The following CST8 variants were observed in gnomAD, a reference collection of about 807,000 sequenced individuals.
CST8 encodes cystatin 8.
CST8 carries 20 observed loss-of-function variants against 11.8 expected under a neutral mutation model. That is an observed-to-expected ratio of 1.70 (90% confidence interval 1.20 to 2.47). CST8 has a LOEUF of 2.47. Among genes scored for constraint, CST8 ranks in the 30% most tolerant of loss-of-function variants. CST8 has a pLI of 0.00. For synonymous variants in CST8, 77 were observed against 63.1 expected, an observed-to-expected ratio of 1.22 and a Z score of -1.05; for missense variants, 196 against 167.2, an observed-to-expected ratio of 1.17 and a Z score of -0.95.
chr20:23,493,969 C>G (rs1485252177), intron 3 of CST8, among the ~76,000 whole-genome samples: 1 of 152,166 alleles, frequency 6.6e-6, no homozygotes, highest in East Asian at 1.9e-4. Flanking sequence ...TGCTGCTGGC[C>G]TTAGGATCAT....
At chr20:23,494,672 A>C (rs536565332) in intron 3 of CST8, among the ~76,000 whole-genome samples, 1 of 152,280 alleles carries the variant, frequency 6.6e-6, no homozygotes, top group East Asian at 1.9e-4. Context: ...TCCATTCATT[A>C]ATCTGTCACA....
At chr20:23,504,876 T>C in the CST8 span, among the ~76,000 whole-genome samples, 1 of 152,094 alleles carries the variant, frequency 6.6e-6, no homozygotes. Flanking sequence ...GTCAGGAGTT[T>C]GGGGTGCTCA....
Position 23,491,753 on chromosome 20 carries a change from CA to C in CST8, c.87del (p.Val31CysfsTer2), listed in dbSNP as rs1568654131. 3.2e-5 allele frequency: 52 copies of C among 1,613,936 alleles called. No individual in the cohort carries two copies. The highest frequency in any genetic ancestry group is 4.3e-5 in the Non-Finnish European group (51 of 1,179,884). On this transcript the variant is annotated frameshift_variant, in exon 2 of 4. Transcript: ENST00000246012. LOFTEE classifies it high-confidence loss of function. ...AGGAAAGACCCAAAAAAGAATGAGA[CA>C]GGGGTGCTGAGGAAATTAAAACCCG... is the stretch of plus-strand genomic sequence containing the variant. ...VARKDPKKNE[T>X]GVLRKLKPVN...
the CST8 span, among the ~76,000 whole-genome samples, chr20:23,504,154 G>A: frequency 2.0e-5 from 3 of 152,216 alleles, no homozygotes; most frequent in Non-Finnish European, 4.4e-5. Context: ...GCAGCAATGT[G>A]TCCCTCCTGC....
At chr20:23,499,997 G>A (rs554859831), downstream of CST8, among the ~76,000 whole-genome samples, 1 of 151,876 alleles carries the variant, frequency 6.6e-6, no homozygotes, top group East Asian at 1.9e-4. Flanking sequence ...AAAGGGGAAG[G>A]GTAGGAGGGA....
chr20:23,496,755 T>G (rs1429016445), downstream of CST8, among the ~76,000 whole-genome samples: 1 of 152,164 alleles, frequency 6.6e-6, no homozygotes, highest in East Asian at 1.9e-4. Context: ...AGCGGCCATT[T>G]TAGAGGCCTA....
chr20:23,494,508 A>G (rs1474232261), intron 3 of CST8, among the ~76,000 whole-genome samples: 1 of 151,490 alleles, frequency 6.6e-6, no homozygotes, highest in Non-Finnish European at 1.5e-5. Flanking sequence ...CATATTTTCA[A>G]TACTCAGCAG....
At chr20:23,494,750 A>C (rs1987992124) in intron 3 of CST8, among the ~76,000 whole-genome samples, 1 of 152,222 alleles carries the variant, frequency 6.6e-6, no homozygotes, top group Non-Finnish European at 1.5e-5. Flanking sequence ...CTTTGGAAGA[A>C]AAGATATGTT....
At chr20:23,500,351 C>CT (rs1357399368), downstream of CST8, among the ~76,000 whole-genome samples, 1 of 152,180 alleles carries the variant, frequency 6.6e-6, no homozygotes, top group African/African-American at 2.4e-5. Context: ...GAGCCACAGA[C>CT]TTGGGAAGGA....
At chr20:23,499,977 A>G (rs6036432), downstream of CST8, among the ~76,000 whole-genome samples, 4 of 152,048 alleles carry the variant, frequency 2.6e-5, no homozygotes, top group African/African-American at 9.6e-5. Context: ...ACAGTGTGAG[A>G]AAGAGAGAGA....
chr20:23,494,298 A>C (rs1453288601), intron 3 of CST8, among the ~76,000 whole-genome samples: 1 of 152,216 alleles, frequency 6.6e-6, no homozygotes, highest in African/African-American at 2.4e-5. Flanking sequence ...AAAATATTAA[A>C]GTGCATTAAA....
At chr20:23,495,413 A>T (rs182103662) in intron 3 of CST8, among the ~76,000 whole-genome samples, 1 of 152,344 alleles carries the variant, frequency 6.6e-6, no homozygotes, top group Non-Finnish European at 1.5e-5. Context: ...TTGCACTCCC[A>T]CCAGCAGTGT....
chr20:23,499,849 C>T (rs148537822), downstream of CST8, among the ~76,000 whole-genome samples: 10 of 152,140 alleles, frequency 6.6e-5, no homozygotes, highest in South Asian at 2.1e-4. Flanking sequence ...GTTTGTGTTG[C>T]GATAAAAGTC....
chr20:23,495,757 G>A (rs969381735), intron 3 of CST8, 74 bp from the exon 4 acceptor site: 40 of 1,138,758 alleles, frequency 3.5e-5, no homozygotes, highest in Admixed American at 9.8e-5. Flanking sequence ...CTAGCAACAG[G>A]ACAATTGTTT....
chr20:23,506,459 T>C, the CST8 span, among the ~76,000 whole-genome samples: 3 of 152,166 alleles, frequency 2.0e-5, no homozygotes, highest in African/African-American at 2.4e-5. Flanking sequence ...TCCTGAAGCT[T>C]ATGAGGATTC....
chr20:23,500,260 T>C (rs550895206), downstream of CST8, among the ~76,000 whole-genome samples: 1 of 152,062 alleles, frequency 6.6e-6, no homozygotes, highest in African/African-American at 2.4e-5. Context: ...CCAAACTATA[T>C]CAAGATGCAA....
chr20:23,502,133 T>C, the CST8 span, among the ~76,000 whole-genome samples: 1 of 152,180 alleles, frequency 6.6e-6, no homozygotes, highest in Non-Finnish European at 1.5e-5. Context: ...AATTTTGCCT[T>C]GACTTCCGTT....
the CST8 span, among the ~76,000 whole-genome samples, chr20:23,505,966 T>C: frequency 1.1e-4 from 17 of 150,614 alleles, no homozygotes; most frequent in Non-Finnish European, 2.2e-4. Context: ...TTAAGAATAT[T>C]TAATACATTA....
intron 1 of CST8, 71 bp downstream of exon 1, chr20:23,491,413 A>T (rs1302396049): frequency 1.9e-6 from 1 of 533,942 alleles, no homozygotes; most frequent in East Asian, 3.3e-5. Context: ...TCTCAGGGTA[A>T]GGAGGGGAGG....
Sources: allele counts gnomAD v4.1 joint callset (sites outside exome capture counted in the v4.1 genomes callset), GRCh38; gene constraint gnomAD v4.1.1; transcripts MANE v1.5; gene names NCBI Gene and HGNC (gene_info 2026-07-23, HGNC 2026-07-21).